C10orf105: variants seen among roughly 807,000 people sequenced by gnomAD.
C10orf105 encodes chromosome 10 open reading frame 105, also known as uncharacterized protein C10orf105.
A neutral mutation model predicts 0.6 loss-of-function variants in C10orf105; 2 were observed. The observed-to-expected ratio is 3.18, with a 90% CI of 1.30 to 10.01. The LOEUF is 10.01. C10orf105 is among the 30% of genes most tolerant of loss of function. C10orf105 has a pLI of 0.04. For missense variants in C10orf105, 209 were observed against 191.4 expected, an observed-to-expected ratio of 1.09 and a Z score of -0.54; for synonymous variants, 95 against 82.4, an observed-to-expected ratio of 1.15 and a Z score of -0.83.
intron 1 of C10orf105, among the ~76,000 whole-genome samples, chr10:71,725,187 C>G (rs561359731): frequency 1.3e-5 from 2 of 152,326 alleles, no homozygotes; most frequent in East Asian, 3.9e-4. Flanking sequence ...GATGGCCTGT[C>G]TGCCTTGCCC....
At chr10:71,722,336 C>A (rs1013998282), upstream of C10orf105, among the ~76,000 whole-genome samples, 2 of 152,124 alleles carry the variant, frequency 1.3e-5, no homozygotes, top group African/African-American at 4.8e-5. Flanking sequence ...TACTGGGATA[C>A]CCTACAGGAT....
chr10:71,719,195 G>A (rs956332616), intron 1 of C10orf105, among the ~76,000 whole-genome samples: 4 of 152,166 alleles, frequency 2.6e-5, no homozygotes, highest in East Asian at 1.9e-4. Context: ...CCTGGAGCAC[G>A]AGGCAAGTCC....
intron 1 of C10orf105, among the ~76,000 whole-genome samples, chr10:71,733,344 T>A (rs1839453410): frequency 6.6e-6 from 1 of 152,216 alleles, no homozygotes; most frequent in Admixed American, 6.5e-5. Context: ...CAGGGATGTC[T>A]ATGGAGGCTT....
chr10:71,715,934 C>G lies in C10orf105; in HGVS notation c.*2G>C. 6.9e-7 allele frequency: 1 copy of G among 1,459,744 alleles called. No homozygotes were observed. The highest frequency in any genetic ancestry group is 2.5e-5 in the East Asian group (1 of 39,674). The allele number at this position is 1,459,744 out of a possible 1,614,324, so 90.4% of individuals were successfully genotyped here. ...TGTGGGGGCATGTTTGTGGACACCC[C>G]ATTACATCTTGGTAGATTCCATGTA... On this transcript the variant is annotated 3_prime_UTR_variant, in exon 2 of 2. Coordinates refer to ENST00000441508, the MANE Select transcript of C10orf105 (RefSeq NM_001164375.3).
At chr10:71,724,712 TCCC>T (rs1866728831), upstream of C10orf105, among the ~76,000 whole-genome samples, 1 of 152,138 alleles carries the variant, frequency 6.6e-6, no homozygotes, top group South Asian at 2.1e-4. Context: ...AGCAGCACGC[TCCC>T]CAGGGACTGG....
exon 1 of C10orf105, chr10:71,737,824 G>T: frequency 2.1e-6 from 1 of 466,766 alleles, no homozygotes; most frequent in Non-Finnish European, 4.4e-6. Flanking sequence ...AGAAGCCCGA[G>T]CCACAGACAC....
intron 1 of C10orf105, among the ~76,000 whole-genome samples, chr10:71,729,352 G>A (rs941421998): frequency 6.6e-6 from 1 of 152,218 alleles, no homozygotes; most frequent in Non-Finnish European, 1.5e-5. Context: ...GTGGAACAGG[G>A]TGCAACCAGC....
intron 1 of C10orf105, among the ~76,000 whole-genome samples, chr10:71,735,551 C>T (rs1416651905): frequency 6.6e-6 from 1 of 152,164 alleles, no homozygotes; most frequent in Non-Finnish European, 1.5e-5. Context: ...GTCACATCAG[C>T]TACCATCTAG....
At chr10:71,717,753 T>G (rs1178694053) in intron 1 of C10orf105, 1 of 152,220 alleles carries the variant, frequency 6.6e-6, no homozygotes, top group East Asian at 1.9e-4. Context: ...TCTGTCAGTT[T>G]CCCAAGAGAA....
intron 1 of C10orf105, among the ~76,000 whole-genome samples, chr10:71,729,786 T>C (rs1307431246): frequency 6.6e-6 from 1 of 152,200 alleles, no homozygotes; most frequent in African/African-American, 2.4e-5. Flanking sequence ...GCTCATTTTG[T>C]CTTCATAACA....
rs1258156900 is a variant in C10orf105 at position 71,715,810 on chromosome 10, G to A, written c.*126C>T. ...GGCCTGGGCATGCAAGGAGCTTCGG[G>A]GGGTGAGTGTGTGTCCCAGACTGCT... On this transcript the variant is annotated 3_prime_UTR_variant, in exon 2 of 2. Coordinates refer to ENST00000441508, the MANE Select transcript of C10orf105 (RefSeq NM_001164375.3). 2.2e-6 allele frequency: 2 copies of A among 920,086 alleles called. No individual in the cohort carries two copies. The highest frequency in any genetic ancestry group is 1.7e-5 in the African/African-American group (1 of 57,400). The allele number at this position is 920,086 out of a possible 1,614,324, so 57.0% of individuals were successfully genotyped here. A position where few individuals can be genotyped will look rare whatever the true frequency, so the allele number is the denominator to read the frequency against.
rs999067298 is a variant in C10orf105, at chr10:71,715,631, C to T, written c.*305G>A. ...GGGTGCTGCTTCTAGGAGGTGGTTA[C>T]GAGCCCCAGGTTGTACCCTGTGGAG... On this transcript the variant is annotated 3_prime_UTR_variant, in exon 2 of 2. Coordinates refer to ENST00000441508, the MANE Select transcript of C10orf105 (RefSeq NM_001164375.3). The T allele has an allele frequency of 7.8e-5, 21 of 269,794 alleles. No homozygotes were observed. The highest frequency in any genetic ancestry group is 3.7e-4 in the Admixed American group (7 of 19,030). 16.7% of individuals were successfully genotyped at this position (269,794 alleles called of 1,614,324 possible).
intron 1 of C10orf105, among the ~76,000 whole-genome samples, chr10:71,725,068 G>A (rs1010451180): frequency 6.6e-6 from 1 of 152,238 alleles, no homozygotes; most frequent in African/African-American, 2.4e-5. Flanking sequence ...TGTAGGAGCA[G>A]GGCGAGGGGG....
chr10:71,732,061 C>T (rs972197024), intron 1 of C10orf105: 3 of 1,613,914 alleles, frequency 1.9e-6, no homozygotes, highest in African/African-American at 2.7e-5. Flanking sequence ...GAGCACAGGG[C>T]TTATCATCAC....
At chr10:71,722,612 G>A (rs1866609905), upstream of C10orf105, among the ~76,000 whole-genome samples, 1 of 152,250 alleles carries the variant, frequency 6.6e-6, no homozygotes, top group Non-Finnish European at 1.5e-5. Context: ...AGCAAAGATA[G>A]CATGTATCAG....
At chr10:71,725,524 A>G (rs1203811589) in intron 1 of C10orf105, 1 of 1,611,844 alleles carries the variant, frequency 6.2e-7, no homozygotes, top group Non-Finnish European at 8.5e-7. Flanking sequence ...CGTCAGGGTG[A>G]GGCTAGGGGC....
chr10:71,737,817 A>G, exon 1 of C10orf105: 1 of 467,268 alleles, frequency 2.1e-6, no homozygotes. Flanking sequence ...CTCCACAAGA[A>G]GCCCGAGCCA....
rs553544669 is a variant in C10orf105, at chr10:71,725,431, C to T, written c.-5-9089G>A. On this transcript the variant is annotated intron_variant, in intron 1 of 1. Transcript: ENST00000398786. ...CAATGGGCTCCTGATGCGAGGGCCC[C>T]GGCCCCTGGACCGGGAGCGGAACTC... 5.0e-6 allele frequency: 8 copies of T among 1,614,034 alleles called. No individual in the cohort carries two copies. The highest frequency in any genetic ancestry group is 3.3e-5 in the South Asian group (3 of 91,080).
chr10:71,725,454 C>G (rs1866767416), intron 1 of C10orf105: 2 of 1,614,054 alleles, frequency 1.2e-6, no homozygotes, highest in Non-Finnish European at 8.5e-7. Flanking sequence ...GGGAGCGGAA[C>G]TCATCCCACG....
Sources: allele counts gnomAD v4.1 joint callset (sites outside exome capture counted in the v4.1 genomes callset), GRCh38; gene constraint gnomAD v4.1.1; transcripts MANE v1.5; gene names NCBI Gene and HGNC (gene_info 2026-07-23, HGNC 2026-07-21).